NRXN3: variants seen among roughly 807,000 people sequenced by gnomAD.
NRXN3 encodes the protein neurexin III.
Under a neutral mutation model 137.6 loss-of-function variants are expected in NRXN3, and 32 were observed. The observed-to-expected ratio is 0.23, with a 90% CI of 0.18 to 0.31. The LOEUF is 0.31. NRXN3 is among the 10% of genes least tolerant of loss of function. The pLI, the probability that NRXN3 is intolerant of heterozygous loss-of-function variation, is 1.00. For synonymous variants in NRXN3, 798 were observed against 784.5 expected, an observed-to-expected ratio of 1.02 and a Z score of -0.29; for missense variants, 1,574 against 2,062.5, an observed-to-expected ratio of 0.76 and a Z score of 4.59.
At chr14:79,191,218 A>G (rs1192070825) in intron 15 of NRXN3, among the ~76,000 whole-genome samples, 1 of 152,250 alleles carries the variant, frequency 6.6e-6, no homozygotes, top group East Asian at 1.9e-4. Context: ...AGAAAGTGAA[A>G]CTGATATAAG....
chr14:79,772,840 A>C (rs1366545197), intron 19 of NRXN3, among the ~76,000 whole-genome samples: 5 of 152,316 alleles, frequency 3.3e-5, no homozygotes, highest in African/African-American at 1.2e-4. Context: ...GTGAACAGGC[A>C]ACCTACAAAA....
At chr14:78,594,968 C>A (rs6574454) in intron 4 of NRXN3, among the ~76,000 whole-genome samples, 35,477 of 152,138 alleles carry the variant, frequency 0.23, 6,759 homozygotes, top group African/African-American at 0.53. Context: ...ATTCTGGACT[C>A]TTTACGGCAG....
chr14:79,283,581 G>T (rs2081656113), intron 15 of NRXN3, among the ~76,000 whole-genome samples: 1 of 152,108 alleles, frequency 6.6e-6, no homozygotes, highest in South Asian at 2.1e-4. Flanking sequence ...CCTAGAGGAT[G>T]CTGGGATTCT....
chr14:79,217,700 C>CAA (rs762699954), intron 15 of NRXN3, among the ~76,000 whole-genome samples: 7 of 151,628 alleles, frequency 4.6e-5, no homozygotes, highest in African/African-American at 1.7e-4. Context: ...CAAAACAAAA[C>CAA]AAAAAAAACT....
In NRXN3 at chr14:79,632,044, C is replaced by G. The variant is rs1167677952; in HGVS notation, c.3445-31734C>G. Among the ~76,000 whole-genome samples the G allele has an allele frequency of 2.0e-5, 3 of 152,078 alleles. No individual in the cohort carries two copies. The East Asian group carries it at 5.8e-4, about 29-fold the overall frequency. ...CCAGCAGCGGCATCCTGGTGGGTCTCCTTCCACACTGTGGAAGCTTTGTTC... is the reference window on the plus strand; with the variant it reads ...CCAGCAGCGGCATCCTGGTGGGTCTGCTTCCACACTGTGGAAGCTTTGTTC... On this transcript the variant is annotated intron_variant, in intron 16 of 20. Transcript: ENST00000335750.
At chr14:79,452,276 G>A (rs1019346666) in intron 15 of NRXN3, among the ~76,000 whole-genome samples, 3 of 152,182 alleles carry the variant, frequency 2.0e-5, no homozygotes, top group Non-Finnish European at 4.4e-5. Flanking sequence ...TAAGTTTATT[G>A]CAAGAGTTAA....
At chr14:79,256,723 T>C (rs1486331095) in intron 15 of NRXN3, among the ~76,000 whole-genome samples, 1 of 152,198 alleles carries the variant, frequency 6.6e-6, no homozygotes, top group Non-Finnish European at 1.5e-5. Flanking sequence ...TGGCTTTCTC[T>C]CGGGTCACAA....
At chr14:78,382,627 T>C (rs911667847) in intron 4 of NRXN3, among the ~76,000 whole-genome samples, 1 of 152,240 alleles carries the variant, frequency 6.6e-6, no homozygotes, top group Non-Finnish European at 1.5e-5. Context: ...AATGTCCATA[T>C]ACTAACAATA....
At chr14:79,520,067 T>C (rs930597341) in intron 16 of NRXN3, among the ~76,000 whole-genome samples, 1 of 152,064 alleles carries the variant, frequency 6.6e-6, no homozygotes, top group African/African-American at 2.4e-5. Context: ...GTTATTTTTA[T>C]TTCATTTGGT....
At chr14:79,718,937 C>A (rs1254319142) in intron 19 of NRXN3, among the ~76,000 whole-genome samples, 1 of 152,158 alleles carries the variant, frequency 6.6e-6, no homozygotes, top group East Asian at 1.9e-4. Flanking sequence ...TTTTATCTCT[C>A]CCCCATTCCA....
intron 4 of NRXN3, among the ~76,000 whole-genome samples, chr14:78,492,672 G>C (rs1052151520): frequency 6.6e-6 from 1 of 152,080 alleles, no homozygotes; most frequent in African/African-American, 2.4e-5. Context: ...TCCAGCCAGG[G>C]GTCCCAGATA....
At chr14:78,309,688 A>C (rs78763513) in intron 4 of NRXN3, among the ~76,000 whole-genome samples, 1 of 152,158 alleles carries the variant, frequency 6.6e-6, no homozygotes, top group Non-Finnish European at 1.5e-5. Context: ...TTTCAAAGTT[A>C]CCAAAATTTA....
At chr14:78,332,953 C>G (rs1240060644) in intron 4 of NRXN3, among the ~76,000 whole-genome samples, 1 of 151,978 alleles carries the variant, frequency 6.6e-6, no homozygotes, top group Non-Finnish European at 1.5e-5. Flanking sequence ...TCCAGGACCA[C>G]TTTAATCGGA....
intron 17 of NRXN3, among the ~76,000 whole-genome samples, chr14:79,678,483 C>T (rs976090921): frequency 7.2e-5 from 11 of 152,170 alleles, no homozygotes; most frequent in African/African-American, 2.2e-4. Flanking sequence ...TTGCTGCTCA[C>T]TGTGTTTAGT....
chr14:79,246,214 C>T (rs989061949), intron 15 of NRXN3, among the ~76,000 whole-genome samples: 2 of 152,190 alleles, frequency 1.3e-5, no homozygotes, highest in African/African-American at 4.8e-5. Flanking sequence ...AGTTGAATTA[C>T]TTCCATTCCT....
At chr14:79,344,931 T>C (rs2092792877) in intron 15 of NRXN3, among the ~76,000 whole-genome samples, 1 of 152,206 alleles carries the variant, frequency 6.6e-6, no homozygotes, top group Non-Finnish European at 1.5e-5. Flanking sequence ...GGACTCTTTA[T>C]GTTATAAAAG....
intron 7 of NRXN3, among the ~76,000 whole-genome samples, chr14:78,713,153 A>G (rs962673300): frequency 3.4e-4 from 52 of 152,212 alleles, no homozygotes; most frequent in African/African-American, 1.1e-3. Context: ...TAGGGTCATA[A>G]AGACATTTAG....
intron 16 of NRXN3, among the ~76,000 whole-genome samples, chr14:79,542,740 A>G (rs2097285578): frequency 6.6e-6 from 1 of 152,146 alleles, no homozygotes; most frequent in Non-Finnish European, 1.5e-5. Context: ...AGAACCCTAA[A>G]CGCTCTTTTG....
At chr14:78,411,901 C>T (rs966754220) in intron 4 of NRXN3, among the ~76,000 whole-genome samples, 6 of 152,176 alleles carry the variant, frequency 3.9e-5, no homozygotes, top group Admixed American at 3.9e-4. Flanking sequence ...TTTTCCAACT[C>T]TGAGATTTTA....
Sources: gnomAD v4.1 joint callset for allele counts (sites outside exome capture counted in the v4.1 genomes callset) on GRCh38, gnomAD v4.1.1 for gene constraint, MANE v1.5 for transcripts, NCBI Gene and HGNC (gene_info 2026-07-23, HGNC 2026-07-21) for gene names.